MTG2: variants seen among roughly 807,000 people sequenced by gnomAD.
MTG2 encodes the protein mitochondrial ribosome-associated GTPase 2.
A neutral mutation model predicts 28.6 loss-of-function variants in MTG2; 23 were observed. The observed-to-expected ratio is 0.80, with a 90% CI of 0.58 to 1.14. The LOEUF is 1.14. Ranked by LOEUF, MTG2 falls within the 50% of genes most tolerant of loss-of-function variation. The pLI is 0.00. For synonymous variants in MTG2, 260 were observed against 251.8 expected, an observed-to-expected ratio of 1.03 and a Z score of -0.31; for missense variants, 539 against 552.0, an observed-to-expected ratio of 0.98 and a Z score of 0.24.
At chr20:62,199,072 A>AAAG (rs1467105262) in intron 5 of MTG2, 47 bp from the exon 6 acceptor site, 1 of 1,610,668 alleles carries the variant, frequency 6.2e-7, no homozygotes, top group Non-Finnish European at 8.5e-7. Flanking sequence ...CTGCGCTAAC[A>AAAG]AAGGTGCTGC....
intron 1 of MTG2, among the ~76,000 whole-genome samples, chr20:62,187,097 C>T (rs963354294): frequency 3.1e-4 from 47 of 152,162 alleles, no homozygotes; most frequent in Non-Finnish European, 8.8e-5. Context: ...GTTTTGTTTT[C>T]CTCCTCATGA....
At position 62,201,210 on chromosome 20, in the gene MTG2, G is replaced by A; in HGVS notation, c.*133G>A. ...GCTTCTGGGTCTCTGGGCCCCGCCT[G>A]CTGGCCTGAGATGCCCTCATGTTGG... On this transcript the variant is annotated 3_prime_UTR_variant, in exon 7 of 7. Transcript: ENST00000370823. 3 of 1,145,766 alleles carry A rather than the reference G, an allele frequency of 2.6e-6. No individual in the cohort carries two copies. The highest frequency in any genetic ancestry group is 2.9e-5 in the Admixed American group (1 of 34,370). 71.0% of individuals were successfully genotyped at this position (1,145,766 alleles called of 1,614,324 possible). A position where few individuals can be genotyped will look rare whatever the true frequency, so the allele number is the denominator to read the frequency against.
At chr20:62,187,642 A>G (rs1249157163) in intron 1 of MTG2, among the ~76,000 whole-genome samples, 1 of 152,210 alleles carries the variant, frequency 6.6e-6, no homozygotes, top group Non-Finnish European at 1.5e-5. Flanking sequence ...CGTTCCCAGC[A>G]TTCTCTTGCC....
chr20:62,197,797 A>G (rs2145859482), intron 3 of MTG2, 55 bp from the exon 4 acceptor site: 9 of 1,490,602 alleles, frequency 6.0e-6, no homozygotes, highest in Non-Finnish European at 7.5e-6. Flanking sequence ...ACACATCAGC[A>G]ATAGGCCATG....
intron 1 of MTG2, among the ~76,000 whole-genome samples, chr20:62,193,040 T>C (rs1427627506): frequency 2.6e-5 from 4 of 152,348 alleles, no homozygotes; most frequent in South Asian, 2.1e-4. Context: ...ATAACACTCT[T>C]GATAACATTT....
At position 62,192,337 on chromosome 20, in the gene MTG2, G is replaced by A. The variant is rs371746480; in HGVS notation, c.-5-1079G>A. 7.2e-5 allele frequency among the ~76,000 whole-genome samples: 11 copies of A among 152,216 alleles called. No homozygotes were observed. In the East Asian group the frequency reaches 7.7e-4, roughly 11 times the overall value. On this transcript the variant is annotated intron_variant, in intron 1 of 6. Coordinates refer to ENST00000370823, the MANE Select transcript of MTG2 (RefSeq NM_015666.4). ...AGTTTACTATAAAGGATGCCACAGC[G>A]GGCACAGGCAGGCAGCTGGGTGAGG...
intron 1 of MTG2, among the ~76,000 whole-genome samples, chr20:62,187,276 G>A (rs1371189339): frequency 6.6e-6 from 1 of 152,152 alleles, no homozygotes; most frequent in African/African-American, 2.4e-5. Flanking sequence ...AGAGTTATTT[G>A]CATCTATATT....
intron 2 of MTG2, among the ~76,000 whole-genome samples, chr20:62,195,583 C>T (rs2058043350): frequency 6.6e-6 from 1 of 152,138 alleles, no homozygotes; most frequent in Non-Finnish European, 1.5e-5. Flanking sequence ...AGAATACTTA[C>T]ATCTGCATTG....
chr20:62,194,087 A>AC (rs1479975243), intron 2 of MTG2: 3 of 151,904 alleles, frequency 2.0e-5, no homozygotes, highest in Non-Finnish European at 4.4e-5. Context: ...TAAAAAAAAA[A>AC]AAAAAACCTT....
At position 62,193,531 on chromosome 20, in the gene MTG2, G is replaced by A; in HGVS notation, c.111G>A (p.Gln37=). The A allele has an allele frequency of 6.2e-7, 1 of 1,614,176 alleles. No individual in the cohort carries two copies. ...AGLKPSRLLP[Q]RASPRLLSVG... ...TGAAGCCCAGCCGGCTACTGCCACAGCGGGCTTCTCCCAGGCTGCTCTCGG... is the reference window on the plus strand; with the variant it reads ...TGAAGCCCAGCCGGCTACTGCCACAACGGGCTTCTCCCAGGCTGCTCTCGG... Residue 37 remains glutamine, a synonymous_variant, in exon 2 of 7, where the codon CAG becomes CAA. Coordinates refer to ENST00000370823, the MANE Select transcript of MTG2 (RefSeq NM_015666.4).
In MTG2 at chr20:62,202,778, CAAAG is replaced by C. The variant is rs2058195301; in HGVS notation, c.*1704_*1707del. On this transcript the variant is annotated 3_prime_UTR_variant, in exon 7 of 7. Transcript: ENST00000370823. ...AAAAAAAAAAAAAAAGTGGAGGGGA[CAAAG>C]AAGCAGAGAAGGATGATCAGAAGGG... 1 of 150,522 alleles carries C rather than the reference CAAAG, an allele frequency of 6.6e-6. No homozygotes were observed. The highest frequency in any genetic ancestry group is 2.4e-5 in the African/African-American group (1 of 40,898). 9.3% of individuals were successfully genotyped at this position (150,522 alleles called of 1,614,324 possible).
chr20:62,200,642 G>T, intron 6 of MTG2, 41 bp from the exon 7 acceptor site: 1 of 1,542,944 alleles, frequency 6.5e-7, no homozygotes, highest in Non-Finnish European at 8.7e-7. Flanking sequence ...GGTGCTGGGT[G>T]TGCCAAGTGG....
At chr20:62,194,631 T>C (rs1204211270) in intron 2 of MTG2, among the ~76,000 whole-genome samples, 1 of 150,446 alleles carries the variant, frequency 6.6e-6, no homozygotes, top group East Asian at 1.9e-4. Context: ...TTTTAAATGT[T>C]TTAAAATTTT....
chr20:62,194,138 G>T (rs1200164359), intron 2 of MTG2: 1 of 151,888 alleles, frequency 6.6e-6, no homozygotes, highest in African/African-American at 2.4e-5. Context: ...AAGTAGGGGG[G>T]AATATACCTT....
chr20:62,191,240 G>A (rs966563327), intron 1 of MTG2, among the ~76,000 whole-genome samples: 25 of 152,190 alleles, frequency 1.6e-4, no homozygotes, highest in Non-Finnish European at 1.0e-4. Context: ...AGCTGGACAA[G>A]GTGTGGCAGC....
At position 62,199,195 on chromosome 20, in the gene MTG2, C is replaced by G. The variant is rs200413603; in HGVS notation, c.764C>G (p.Pro255Arg). Residue 255 changes from proline (P) to arginine (R), a missense_variant, in exon 6 of 7, where the codon CCG (proline) becomes CGG (arginine). Physicochemically the swap from Pro to Arg is moderately radical, Grantham distance 103. Coordinates refer to ENST00000370823, the MANE Select transcript of MTG2 (RefSeq NM_015666.4). ...GCCAGACCCGCCGTGGCTTCCTACC[C>G]GTTCACCACCCTGAAGCCCCACGTC... is the stretch of plus-strand genomic sequence containing the variant. ...SNARPAVASYPFTTLKPHVGI... is the reference protein window; with the variant it reads ...SNARPAVASYRFTTLKPHVGI... 1.2e-6 allele frequency: 2 copies of G among 1,614,208 alleles called. No individual in the cohort carries two copies. Among genetic ancestry groups the G allele is most frequent in the South Asian group, 1.1e-5 (1 of 91,084 alleles).
intron 1 of MTG2, among the ~76,000 whole-genome samples, chr20:62,189,664 C>CCTTTTTTTTTTTTTTTTTTTTTTTTTT: frequency 8.8e-6 from 1 of 113,650 alleles, no homozygotes; most frequent in Non-Finnish European, 1.9e-5. Flanking sequence ...TAAACATTAA[C>CCTTTTTTTTTTTTTTTTTTTTTTTTTT]TTTTTTTTTT....
In MTG2 at chr20:62,193,948, CAA is replaced by C. The variant is rs1386559387; in HGVS notation, c.204+326_204+327del. ...TGTGTGGCTATTTCTTAATTTAAAA[CAA>C]ATGCGGAGGCTGGGCACGGTGGCTC... On this transcript the variant is annotated intron_variant, in intron 2 of 6. Coordinates refer to ENST00000370823, the MANE Select transcript of MTG2 (RefSeq NM_015666.4). 3.0e-5 allele frequency: 7 copies of C among 234,370 alleles called. No individual in the cohort carries two copies. In the East Asian group the frequency reaches 7.0e-4, roughly 23 times the overall value. The allele number at this position is 234,370 out of a possible 1,614,324, so 14.5% of individuals were successfully genotyped here.
rs58648226 is a variant in MTG2 at position 62,196,359 on chromosome 20, T to TAA, written c.352+422_352+423dup. 4.6e-3 allele frequency among the ~76,000 whole-genome samples: 666 copies of TAA among 143,708 alleles called. 6 individuals carry two copies. The highest frequency in any genetic ancestry group is 0.015 in the African/African-American group (581 of 38,996). 94.3% of individuals were successfully genotyped at this position (143,708 alleles called of 152,430 possible). On this transcript the variant is annotated intron_variant, in intron 3 of 6. Coordinates refer to ENST00000370823, the MANE Select transcript of MTG2 (RefSeq NM_015666.4). ...GGGTGACAGAGCAATACCCTATCTC[T>TAA]AAAAAAAAAAAAAGTAAAATTTTTA...
Sources: allele counts gnomAD v4.1 joint callset (sites outside exome capture counted in the v4.1 genomes callset), GRCh38; gene constraint gnomAD v4.1.1; transcripts MANE v1.5; gene names NCBI Gene and HGNC (gene_info 2026-07-23, HGNC 2026-07-21).